The following PIGU variants were observed in gnomAD, a reference collection of about 807,000 sequenced individuals.
PIGU encodes the protein phosphatidylinositol glycan anchor biosynthesis class U.
Under a neutral mutation model 49.9 loss-of-function variants are expected in PIGU, and 24 were observed. The ratio of observed to expected loss-of-function variants is 0.48; its 90% CI spans 0.35 to 0.68. The LOEUF is 0.68. Ranked by LOEUF, PIGU falls within the 30% of genes least tolerant of loss-of-function variation. The pLI is 0.01. For synonymous variants in PIGU, 220 were observed against 205.7 expected, an observed-to-expected ratio of 1.07 and a Z score of -0.59; for missense variants, 490 against 532.6, an observed-to-expected ratio of 0.92 and a Z score of 0.79.
At chr20:34,589,542 G>A (rs1426408209) in intron 7 of PIGU, among the ~76,000 whole-genome samples, 2 of 151,032 alleles carry the variant, frequency 1.3e-5, no homozygotes, top group African/African-American at 4.9e-5. Context: ...TAGTAGAGAC[G>A]GGGTTTCACC....
intron 11 of PIGU, 145 bp downstream of exon 11, chr20:34,574,959 C>G (rs773423041): frequency 9.1e-7 from 1 of 1,094,938 alleles, no homozygotes; most frequent in Non-Finnish European, 1.3e-6. Flanking sequence ...CCCGTCCTCA[C>G]TGACTGGGAG....
At position 34,586,408 on chromosome 20, in the gene PIGU, G is replaced by A. The variant is rs138563331; in HGVS notation, c.783-828C>T. 2.0e-3 allele frequency among the ~76,000 whole-genome samples: 307 copies of A among 152,202 alleles called. 2 individuals carry two copies. Among genetic ancestry groups the A allele is most frequent in the Admixed American group, 3.3e-3 (51 of 15,274 alleles). On this transcript the variant is annotated intron_variant, in intron 8 of 11. Transcript: ENST00000217446. Reference sequence around the variant, plus strand: ...GGAAATGAGGTAAAGAACACAATCCGTGGCCCAGGAGAAAGAACTCTTCAC... The same window carrying A: ...GGAAATGAGGTAAAGAACACAATCCATGGCCCAGGAGAAAGAACTCTTCAC...
chr20:34,629,030 T>A (rs1019516583), intron 6 of PIGU, among the ~76,000 whole-genome samples: 4 of 151,882 alleles, frequency 2.6e-5, no homozygotes, highest in African/African-American at 9.6e-5. Context: ...TTTTTTTTTT[T>A]TTTTGAGATG....
At chr20:34,656,850 G>A (rs1020981208) in intron 2 of PIGU, among the ~76,000 whole-genome samples, 2 of 151,686 alleles carry the variant, frequency 1.3e-5, no homozygotes, top group African/African-American at 4.8e-5. Context: ...TAGTTTTCAT[G>A]GGAAATCATA....
chr20:34,638,522 T>C (rs889592393), intron 4 of PIGU, among the ~76,000 whole-genome samples: 2 of 152,226 alleles, frequency 1.3e-5, no homozygotes, highest in African/African-American at 4.8e-5. Context: ...AATGGCTAAA[T>C]GAATGACTTG....
intron 9 of PIGU, among the ~76,000 whole-genome samples, chr20:34,583,609 G>A (rs1307264078): frequency 7.2e-5 from 11 of 152,236 alleles, no homozygotes; most frequent in East Asian, 1.9e-4. Context: ...AAAAGCTGCC[G>A]GAGAGCTGGC....
At chr20:34,589,747 C>G (rs996460560) in intron 7 of PIGU, among the ~76,000 whole-genome samples, 2 of 150,344 alleles carry the variant, frequency 1.3e-5, no homozygotes, top group African/African-American at 4.9e-5. Flanking sequence ...CCTCCACCTC[C>G]CGGGTTCAAG....
intron 8 of PIGU, among the ~76,000 whole-genome samples, chr20:34,588,012 A>G (rs1600603112): frequency 6.6e-6 from 1 of 152,328 alleles, no homozygotes; most frequent in Admixed American, 6.5e-5. Context: ...GTCACCTGCA[A>G]TCCCAGCACT....
Position 34,623,551 on chromosome 20 carries a change from G to A in PIGU, c.530-7412C>T, listed in dbSNP as rs80162541. ...AGAGAAGTTATTTGTCTGGGGTCAC[G>A]AAACTAGTGAATGAGAGCAATAGGA... On this transcript the variant is annotated intron_variant, in intron 6 of 11. Transcript: ENST00000217446. Among the ~76,000 whole-genome samples the A allele has an allele frequency of 2.2e-3, 338 of 152,228 alleles. 1 individual carries two copies. Among genetic ancestry groups the A allele is most frequent in the African/African-American group, 7.6e-3 (315 of 41,520 alleles).
At chr20:34,635,165 C>A (rs959559160) in intron 5 of PIGU, among the ~76,000 whole-genome samples, 1 of 152,186 alleles carries the variant, frequency 6.6e-6, no homozygotes, top group African/African-American at 2.4e-5. Flanking sequence ...TAAAATTCTA[C>A]CAATTCCCAC....
In PIGU at chr20:34,588,531, C is replaced by G. The variant is rs760059464; in HGVS notation, c.704G>C (p.Gly235Ala). ...GAGGCAAATGATTACCACTAGGCTTCCCACATACATCATGGCATACTCCCA... is the reference window on the plus strand; with the variant it reads ...GAGGCAAATGATTACCACTAGGCTTGCCACATACATCATGGCATACTCCCA... ...FSWEYAMMYVGSLVVIICLSF... is the reference protein window; with the variant it reads ...FSWEYAMMYVASLVVIICLSF... The change falls in exon 8 of 12, where the codon GGA (glycine) becomes GCA (alanine). Residue 235 changes from glycine (G) to alanine (A), a missense_variant. Coordinates refer to ENST00000217446, the MANE Select transcript of PIGU (RefSeq NM_080476.5). 8 of 1,613,724 alleles carry G rather than the reference C, an allele frequency of 5.0e-6. No individual in the cohort carries two copies. The Admixed American group carries it at 1.2e-4, about 24-fold the overall frequency.
chr20:34,668,881 T>A (rs1485651086), intron 1 of PIGU, among the ~76,000 whole-genome samples: 5 of 126,892 alleles, frequency 3.9e-5, no homozygotes, highest in African/African-American at 1.5e-4. Flanking sequence ...TTTTTTTTTT[T>A]TTTTTTTTTT....
chr20:34,663,156 T>G (rs1051206273), intron 1 of PIGU, among the ~76,000 whole-genome samples: 75 of 152,186 alleles, frequency 4.9e-4, no homozygotes, highest in African/African-American at 1.8e-3. Context: ...CTTCCCACCT[T>G]GACCTCCCAA....
chr20:34,595,043 C>T (rs1169078254), intron 7 of PIGU, among the ~76,000 whole-genome samples: 2 of 143,604 alleles, frequency 1.4e-5, no homozygotes, highest in African/African-American at 5.2e-5. Context: ...TTGCAGTGAG[C>T]CGAGATCGCG....
At chr20:34,599,177 G>A (rs896043371) in intron 7 of PIGU, among the ~76,000 whole-genome samples, 2 of 152,136 alleles carry the variant, frequency 1.3e-5, no homozygotes, top group African/African-American at 4.8e-5. Flanking sequence ...AATTGGCCAG[G>A]TGCAGTGGGC....
intron 9 of PIGU, among the ~76,000 whole-genome samples, chr20:34,582,131 A>G (rs1422467079): frequency 6.6e-6 from 1 of 152,136 alleles, no homozygotes; most frequent in Non-Finnish European, 1.5e-5. Context: ...CTCTAACAAC[A>G]TGGTCAGCAG....
intron 1 of PIGU, among the ~76,000 whole-genome samples, chr20:34,659,930 C>T (rs1986877619): frequency 6.6e-6 from 1 of 151,756 alleles, no homozygotes; most frequent in Admixed American, 6.6e-5. Context: ...GCTGCAGGGT[C>T]CTCTGCCTAG....
rs1459217196 is a variant in PIGU at position 34,588,580 on chromosome 20, T to C, written c.655A>G (p.Ser219Gly). 3.1e-6 allele frequency: 5 copies of C among 1,613,882 alleles called. No homozygotes were observed. The highest frequency in any genetic ancestry group is 3.4e-6 in the Non-Finnish European group (4 of 1,179,980). ...CAAGAAAAGATCCAGAAGGCTTTGC[T>C]CTTCATTTTCACAGGTATGTACTGC... ...QRQYIPVKMK[S>G]KAFWIFSWEY... Residue 219 changes from serine (S) to glycine (G), a missense_variant, in exon 8 of 12, where the codon AGC (serine) becomes GGC (glycine). By Grantham distance (56) the Ser-to-Gly change is moderately conservative. Transcript: ENST00000217446.
intron 6 of PIGU, among the ~76,000 whole-genome samples, chr20:34,617,217 G>A (rs1425009883): frequency 6.6e-6 from 1 of 152,220 alleles, no homozygotes; most frequent in Non-Finnish European, 1.5e-5. Flanking sequence ...CAGTGGAGCT[G>A]AGAAGAGGGT....
Sources: gnomAD v4.1 joint callset for allele counts (sites outside exome capture counted in the v4.1 genomes callset) on GRCh38, gnomAD v4.1.1 for gene constraint, MANE v1.5 for transcripts, NCBI Gene and HGNC (gene_info 2026-07-23, HGNC 2026-07-21) for gene names.